RAPGEF4: variants seen among roughly 807,000 people sequenced by gnomAD.
The protein encoded by RAPGEF4 is Rap guanine nucleotide exchange factor 4, also known as RAP guanine-nucleotide-exchange factor (GEF) 4.
Under a neutral mutation model 147.9 loss-of-function variants are expected in RAPGEF4, and 66 were observed. The observed-to-expected ratio is 0.45, with a 90% CI of 0.37 to 0.55. RAPGEF4 has a LOEUF of 0.55. RAPGEF4 is among the 20% of genes least tolerant of loss of function. RAPGEF4 has a pLI of 0.00. For synonymous variants in RAPGEF4, 419 were observed against 442.7 expected, an observed-to-expected ratio of 0.95 and a Z score of 0.67; for missense variants, 1,071 against 1,257.3, an observed-to-expected ratio of 0.85 and a Z score of 2.24.
intron 25 of RAPGEF4, 79 bp downstream of exon 25, chr2:173,027,338 A>G (rs928377992): frequency 2.3e-5 from 28 of 1,243,560 alleles, no homozygotes; most frequent in Non-Finnish European, 2.7e-5. Context: ...TACACCTTAA[A>G]AAGAAAAGCA....
intron 4 of RAPGEF4, among the ~76,000 whole-genome samples, chr2:172,870,262 C>T (rs761557682): frequency 5.3e-5 from 8 of 152,122 alleles, no homozygotes; most frequent in Admixed American, 4.6e-4. Context: ...TACTGTATGA[C>T]GTATATATGC....
At chr2:173,011,851 TC>T (rs1422086849) in intron 17 of RAPGEF4, among the ~76,000 whole-genome samples, 1 of 109,220 alleles carries the variant, frequency 9.2e-6, no homozygotes, top group African/African-American at 3.3e-5. Context: ...AGACTCCGTC[TC>T]AAAAAAAAAA....
Position 172,988,854 on chromosome 2 carries a change from A to T in RAPGEF4, c.1374+15A>T. On this transcript the variant is annotated intron_variant, in intron 14 of 30. Coordinates refer to ENST00000397081, the MANE Select transcript of RAPGEF4 (RefSeq NM_007023.4). Reference sequence around the variant, plus strand: ...GGATCCTAAGGGTGAGTCCAAAGCAAAGTGTGGCTGAGAGACAGCCCATTT... The same window carrying T: ...GGATCCTAAGGGTGAGTCCAAAGCATAGTGTGGCTGAGAGACAGCCCATTT... The T allele has an allele frequency of 1.9e-6, 3 of 1,611,632 alleles. No individual in the cohort carries two copies. The highest frequency in any genetic ancestry group is 1.1e-5 in the South Asian group (1 of 91,010).
At chr2:172,931,174 G>GGA (rs1685896984) in intron 6 of RAPGEF4, among the ~76,000 whole-genome samples, 1 of 98,148 alleles carries the variant, frequency 1.0e-5, no homozygotes, top group Non-Finnish European at 2.1e-5. Context: ...GGCCGGGGTG[G>GGA]GGGGGGGGGG....
chr2:172,973,107 CTTT>C (rs58806286), intron 10 of RAPGEF4, among the ~76,000 whole-genome samples: 54 of 132,572 alleles, frequency 4.1e-4, no homozygotes, highest in Admixed American at 9.2e-4. Context: ...CTTTTTTTTT[CTTT>C]TTTTTTTTTT....
At chr2:172,817,196 A>C (rs1380197223) in intron 4 of RAPGEF4, among the ~76,000 whole-genome samples, 4 of 152,208 alleles carry the variant, frequency 2.6e-5, no homozygotes, top group African/African-American at 9.6e-5. Context: ...CATATATACA[A>C]ATATATATGC....
intron 4 of RAPGEF4, among the ~76,000 whole-genome samples, chr2:172,872,005 G>C (rs1324633583): frequency 3.9e-5 from 6 of 152,114 alleles, no homozygotes; most frequent in Non-Finnish European, 8.8e-5. Flanking sequence ...TGTATCATCT[G>C]CCTTTGATGT....
intron 10 of RAPGEF4, among the ~76,000 whole-genome samples, chr2:172,977,191 T>C (rs1691165618): frequency 6.6e-6 from 1 of 152,170 alleles, no homozygotes; most frequent in South Asian, 2.1e-4. Context: ...AGTGTTCCCT[T>C]TACTCTTGAA....
At chr2:172,887,439 T>C (rs1559098701) in intron 4 of RAPGEF4, among the ~76,000 whole-genome samples, 1 of 152,258 alleles carries the variant, frequency 6.6e-6, no homozygotes, top group Non-Finnish European at 1.5e-5. Flanking sequence ...GGTGTCCTTA[T>C]AATCTTATCT....
chr2:172,845,455 T>C (rs554468464), intron 4 of RAPGEF4, among the ~76,000 whole-genome samples: 1 of 152,130 alleles, frequency 6.6e-6, no homozygotes, highest in East Asian at 1.9e-4. Flanking sequence ...TTGTATTTAA[T>C]TAATGTCTGA....
intron 4 of RAPGEF4, among the ~76,000 whole-genome samples, chr2:172,885,278 C>T (rs1386205863): frequency 6.6e-6 from 1 of 152,202 alleles, no homozygotes; most frequent in African/African-American, 2.4e-5. Context: ...GCTTTTCCTT[C>T]CCCCTGCCTC....
chr2:172,905,587 A>T (rs142343874), intron 4 of RAPGEF4, among the ~76,000 whole-genome samples: 2 of 152,184 alleles, frequency 1.3e-5, no homozygotes, highest in Non-Finnish European at 1.5e-5. Flanking sequence ...CCACAACTTT[A>T]TCTGCTCGCT....
intron 4 of RAPGEF4, among the ~76,000 whole-genome samples, chr2:172,875,856 C>A (rs942886596): frequency 1.3e-5 from 2 of 152,052 alleles, no homozygotes; most frequent in Admixed American, 6.6e-5. Flanking sequence ...TTTTCACGAT[C>A]TTGATTCTTC....
intron 6 of RAPGEF4, among the ~76,000 whole-genome samples, chr2:172,924,207 T>C (rs1439269988): frequency 2.0e-5 from 3 of 152,188 alleles, no homozygotes; most frequent in Non-Finnish European, 2.9e-5. Flanking sequence ...CTGGGAGGGC[T>C]GAAATGTTCT....
chr2:172,785,193 AG>A (rs1685082404), intron 1 of RAPGEF4, among the ~76,000 whole-genome samples: 1 of 152,240 alleles, frequency 6.6e-6, no homozygotes, highest in South Asian at 2.1e-4. Flanking sequence ...GTAAGTGTCA[AG>A]GCCCTTTGAA....
chr2:172,898,292 G>A (rs971588580), intron 4 of RAPGEF4, among the ~76,000 whole-genome samples: 2 of 152,218 alleles, frequency 1.3e-5, no homozygotes, highest in African/African-American at 4.8e-5. Context: ...GAACAGAAGA[G>A]TTGAGAAGGT....
intron 29 of RAPGEF4, among the ~76,000 whole-genome samples, chr2:173,043,276 A>G (rs1217869892): frequency 6.6e-6 from 1 of 152,226 alleles, no homozygotes; most frequent in Non-Finnish European, 1.5e-5. Flanking sequence ...ATGTAAGAAA[A>G]AGCAATCTGG....
intron 6 of RAPGEF4, among the ~76,000 whole-genome samples, chr2:172,951,134 T>TA (rs1046571703): frequency 1.3e-5 from 2 of 152,178 alleles, no homozygotes; most frequent in Non-Finnish European, 2.9e-5. Context: ...CCAGTCCGTT[T>TA]AAAAAAACAA....
intron 4 of RAPGEF4, among the ~76,000 whole-genome samples, chr2:172,862,431 G>T (rs569693089): frequency 6.6e-6 from 1 of 152,196 alleles, no homozygotes; most frequent in East Asian, 1.9e-4. Context: ...TCCATTCTCT[G>T]GTCCCAACTT....
Sources: allele counts gnomAD v4.1 joint callset (sites outside exome capture counted in the v4.1 genomes callset), GRCh38; gene constraint gnomAD v4.1.1; transcripts MANE v1.5; gene names NCBI Gene and HGNC (gene_info 2026-07-23, HGNC 2026-07-21).